The following SH3KBP1 variants were observed in gnomAD, a reference collection of about 807,000 sequenced individuals.
SH3KBP1 encodes SH3 domain containing kinase binding protein 1.
A neutral mutation model predicts 50.1 loss-of-function variants in SH3KBP1; 8 were observed. That is an observed-to-expected ratio of 0.16 (90% CI 0.09 to 0.29). The LOEUF is 0.29. Ranked by LOEUF, SH3KBP1 falls within the 10% of genes least tolerant of loss-of-function variation. The probability of loss-of-function intolerance (pLI) is 1.00; values close to 1 mark genes in which losing one functional copy is unlikely to be tolerated. For missense variants in SH3KBP1, 377 were observed against 535.2 expected (o/e 0.70, Z 2.92); for synonymous variants, 227 against 218.6 (o/e 1.04, Z -0.34).
At chrX:19,690,912 C>T (rs1332919347) in intron 5 of SH3KBP1, among the ~76,000 whole-genome samples, 1 of 111,813 alleles carries the variant, frequency 8.9e-6, no homozygotes, top group Non-Finnish European at 1.9e-5. Flanking sequence ...GTCATTTTCT[C>T]CCCATCACTC....
chrX:19,670,576 C>A (rs2062763096), intron 6 of SH3KBP1, among the ~76,000 whole-genome samples: 1 of 111,237 alleles, frequency 9.0e-6, no homozygotes, highest in East Asian at 2.8e-4. Context: ...AGATTGGAAA[C>A]ATCTGTAAAA....
intron 1 of SH3KBP1, among the ~76,000 whole-genome samples, chrX:19,843,657 G>A (rs1458907882): frequency 6.3e-5 from 7 of 111,236 alleles, no homozygotes; most frequent in African/African-American, 2.3e-4. Context: ...GACAGTCCCT[G>A]GGCCTGAACT....
intron 9 of SH3KBP1, 51 bp from the exon 10 acceptor site, chrX:19,595,051 C>G (rs1163630248): frequency 2.2e-6 from 2 of 895,536 alleles, no homozygotes; most frequent in Non-Finnish European, 1.6e-6. Flanking sequence ...CAAGCCTGTC[C>G]TCTCACAGAA....
intron 2 of SH3KBP1, among the ~76,000 whole-genome samples, chrX:19,775,862 C>T (rs1232820078): frequency 1.8e-5 from 2 of 112,047 alleles, no homozygotes; most frequent in Non-Finnish European, 3.8e-5. Context: ...TTCACTGAAA[C>T]AGCCATAATA....
At chrX:19,583,926 TC>T (rs1368783534) in intron 12 of SH3KBP1, among the ~76,000 whole-genome samples, 4 of 98,289 alleles carry the variant, frequency 4.1e-5, no homozygotes, top group African/African-American at 1.5e-4. Context: ...TAAATATATA[TC>T]ATTTATATTT....
chrX:19,542,556 G>GCAGA (rs758147179), intron 15 of SH3KBP1, among the ~76,000 whole-genome samples: 1 of 111,483 alleles, frequency 9.0e-6, no homozygotes, highest in Non-Finnish European at 1.9e-5. Context: ...CCAGTGGGGC[G>GCAGA]CAGACAGACA....
intron 1 of SH3KBP1, among the ~76,000 whole-genome samples, chrX:19,851,791 C>T (rs773059677): frequency 1.2e-4 from 13 of 112,063 alleles, no homozygotes; most frequent in East Asian, 2.8e-4. Context: ...CCTGCCTCGA[C>T]GCCCTGAGTA....
intron 12 of SH3KBP1, among the ~76,000 whole-genome samples, chrX:19,576,879 G>A (rs1246708344): frequency 9.0e-6 from 1 of 111,503 alleles, no homozygotes; most frequent in Non-Finnish European, 1.9e-5. Context: ...CAGCTGCAGA[G>A]AGCCTCCTCA....
At chrX:19,774,866 C>CA (rs955234507) in intron 2 of SH3KBP1, among the ~76,000 whole-genome samples, 1 of 110,458 alleles carries the variant, frequency 9.1e-6, no homozygotes, top group African/African-American at 3.3e-5. Context: ...TTTAACTAGA[C>CA]AAAAAAAGTA....
intron 12 of SH3KBP1, among the ~76,000 whole-genome samples, chrX:19,572,550 T>A (rs1351606584): frequency 9.2e-6 from 1 of 108,846 alleles, no homozygotes; most frequent in Non-Finnish European, 1.9e-5. Context: ...TGTCTATATA[T>A]AAAAGAGTAA....
chrX:19,786,801 C>T (rs986458201), intron 2 of SH3KBP1, among the ~76,000 whole-genome samples: 2 of 111,814 alleles, frequency 1.8e-5, no homozygotes, highest in Non-Finnish European at 3.8e-5. Context: ...CTGCACCTTG[C>T]TTTTCTCACT....
At chrX:19,865,065 C>A (rs1162254615) in intron 1 of SH3KBP1, among the ~76,000 whole-genome samples, 1 of 112,444 alleles carries the variant, frequency 8.9e-6, no homozygotes. Flanking sequence ...AAAAAGCAAA[C>A]CCACTCAGAG....
intron 4 of SH3KBP1, among the ~76,000 whole-genome samples, chrX:19,701,362 C>T (rs1780227725): frequency 9.0e-6 from 1 of 111,632 alleles, no homozygotes; most frequent in African/African-American, 3.3e-5. Flanking sequence ...TTTAAACAGG[C>T]GCTCCTTTGA....
At chrX:19,843,289 G>C (rs1378726794) in intron 1 of SH3KBP1, among the ~76,000 whole-genome samples, 1 of 109,897 alleles carries the variant, frequency 9.1e-6, no homozygotes, top group African/African-American at 3.3e-5. Context: ...CAAAGTGCTG[G>C]GATTGCAAGC....
chrX:19,801,541 A>G (rs978559990), intron 2 of SH3KBP1, among the ~76,000 whole-genome samples: 5 of 111,953 alleles, frequency 4.5e-5, no homozygotes, highest in African/African-American at 1.6e-4. Context: ...ATACATTTGC[A>G]GAAAACATTC....
At chrX:19,628,350 A>T (rs1347715841) in intron 8 of SH3KBP1, among the ~76,000 whole-genome samples, 1 of 111,636 alleles carries the variant, frequency 9.0e-6, no homozygotes, top group Non-Finnish European at 1.9e-5. Context: ...TGCCACTGAC[A>T]GACTCCTCCC....
chrX:19,670,852 A>AAAAAAAAAAAAAAAAAAAAAAC (rs2062774864), intron 6 of SH3KBP1: 1 of 1,145,198 alleles, frequency 8.7e-7, no homozygotes. Context: ...AAAAAAAAAA[A>AAAAAAAAAAAAAAAAAAAAAAC]AAGAAATACC....
intron 2 of SH3KBP1, among the ~76,000 whole-genome samples, chrX:19,781,617 CA>C (rs779535076): frequency 6.7e-4 from 40 of 59,262 alleles, no homozygotes; most frequent in East Asian, 2.3e-3. Context: ...GACTCGGTCA[CA>C]AAAAAAAAAA....
chrX:19,543,815 GGAA>G (rs2065009269), intron 15 of SH3KBP1, among the ~76,000 whole-genome samples: 1 of 111,471 alleles, frequency 9.0e-6, no homozygotes, highest in South Asian at 3.8e-4. Flanking sequence ...GGAGGGCCGA[GGAA>G]GAAGGACAGT....
Sources: allele counts gnomAD v4.1 joint callset (sites outside exome capture counted in the v4.1 genomes callset), GRCh38; gene constraint gnomAD v4.1.1; transcripts MANE v1.5; gene names NCBI Gene and HGNC (gene_info 2026-07-23, HGNC 2026-07-21).